RBBP8NL: variants seen among roughly 807,000 people sequenced by gnomAD.
RBBP8NL encodes RBBP8 N-terminal like, also known as RBBP8 N-terminal-like protein.
In RBBP8NL, 59 loss-of-function variants were observed where a neutral mutation model predicts 62.2. That is an observed-to-expected ratio of 0.95 (90% CI 0.77 to 1.18). The LOEUF (loss-of-function observed/expected upper bound fraction) is 1.18, where lower values mean the gene tolerates loss of function less well. Among genes scored for constraint, RBBP8NL ranks in the 50% most tolerant of loss-of-function variants. The pLI is 0.00. For missense variants in RBBP8NL, 896 were observed against 899.5 expected, an observed-to-expected ratio of 1.00 and a Z score of 0.05; for synonymous variants, 412 against 394.1, an observed-to-expected ratio of 1.05 and a Z score of -0.54.
intron 2 of RBBP8NL, among the ~76,000 whole-genome samples, chr20:62,418,845 C>T (rs1299293798): frequency 6.6e-6 from 1 of 152,170 alleles, no homozygotes; most frequent in Non-Finnish European, 1.5e-5. Context: ...GCGGACCCCA[C>T]CAGACCCTCT....
At chr20:62,417,349 C>T in intron 3 of RBBP8NL, 30 bp from the exon 4 acceptor site, 1 of 1,519,878 alleles carries the variant, frequency 6.6e-7, no homozygotes, top group South Asian at 1.2e-5. Context: ...AAGTGGGGTC[C>T]TGTTCCATCC....
chr20:62,422,200 G>A (rs568649717), intron 1 of RBBP8NL, among the ~76,000 whole-genome samples: 75 of 152,328 alleles, frequency 4.9e-4, no homozygotes, highest in African/African-American at 1.4e-3. Flanking sequence ...ATCACAGAGC[G>A]GAACAGCCAT....
In RBBP8NL at chr20:62,416,765, A is replaced by G. The variant is rs1306883352; in HGVS notation, c.308T>C (p.Ile103Thr). 1.3e-6 allele frequency: 2 copies of G among 1,580,970 alleles called. No individual in the cohort carries two copies. The highest frequency in any genetic ancestry group is 1.8e-5 in the Admixed American group (1 of 56,118). ...SHLQNLQRIF[I>T]LTNEMNGLKE... ...GTCTGGTGGGTGGGGCTCACTGAGG[A>G]TGAAGATGCGCTGCAGGTTCTGCAG... The change falls in exon 5 of 14, where the codon ATC becomes ACC. Residue 103 changes from isoleucine (I) to threonine (T), a missense_variant. Ile to Thr is a moderately conservative substitution (Grantham distance 89, BLOSUM62 -1). Transcript: ENST00000252998.
At chr20:62,415,491 G>T in intron 8 of RBBP8NL, 87 bp downstream of exon 8, 2 of 1,465,718 alleles carry the variant, frequency 1.4e-6, no homozygotes, top group East Asian at 2.3e-5. Flanking sequence ...CGCATGAGAG[G>T]CTGGCATACT....
intron 1 of RBBP8NL, among the ~76,000 whole-genome samples, chr20:62,420,011 T>A (rs1988665600): frequency 1.3e-5 from 2 of 151,860 alleles, no homozygotes; most frequent in Non-Finnish European, 2.9e-5. Flanking sequence ...GCATCTGGGG[T>A]GAGTGCCGGC....
In RBBP8NL at chr20:62,414,053, G is replaced by A. The variant is rs776832012; in HGVS notation, c.1298C>T (p.Thr433Met). The A allele has an allele frequency of 2.6e-5, 41 of 1,594,038 alleles. 1 individual carries two copies. The South Asian group carries it at 2.7e-4, about 11-fold the overall frequency. The change falls in exon 10 of 14, where the codon ACG (threonine) becomes ATG (methionine). Residue 433 changes from threonine (T) to methionine (M), a missense_variant. Transcript: ENST00000252998. ...GRAQRTEAAATQDCALDKPLD... is the reference protein window; with the variant it reads ...GRAQRTEAAAMQDCALDKPLD... ...GGGCTTGTCTAGGGCACAGTCCTGC[G>A]TGGCTGCAGCCTCTGTCCTCTGGGC...
chr20:62,417,615 C>G (rs1344211299), intron 3 of RBBP8NL, among the ~76,000 whole-genome samples: 2 of 108,680 alleles, frequency 1.8e-5, no homozygotes, highest in Admixed American at 1.9e-4. Flanking sequence ...ACGCACCACC[C>G]CCCCCAGTCA....
rs183607276 is a variant in RBBP8NL, at chr20:62,415,928, C to T, written c.404G>A (p.Arg135Gln). 5.6e-5 allele frequency: 87 copies of T among 1,550,100 alleles called. No homozygotes were observed. Among genetic ancestry groups the T allele is most frequent in the East Asian group, 1.7e-4 (7 of 41,588 alleles). ...GGGGTCCGAGGTGCCCTCCTTGGCC[C>T]GGGGCTTGGGCCTGTCTCTAGAGGG... ...LRGLGDRPKP[R>Q]AKEGTSDPPS... is the part of the protein sequence containing the mutation. Residue 135 changes from arginine to glutamine, a missense_variant, in exon 7 of 14, where the codon CGG (arginine) becomes CAG (glutamine). Arg to Gln is a conservative substitution (Grantham distance 43, BLOSUM62 1). Transcript: ENST00000252998.
rs1425556952 is a variant in RBBP8NL at position 62,410,605 on chromosome 20, C to T, written c.*273G>A. 2.1e-6 allele frequency: 1 copy of T among 474,258 alleles called. No individual in the cohort carries two copies. The highest frequency in any genetic ancestry group is 3.7e-6 in the Non-Finnish European group (1 of 268,714). The allele number at this position is 474,258 out of a possible 1,614,324, so 29.4% of individuals were successfully genotyped here. ...GGTGAATCGCCAGCCTGAGACCCCTCTCGGTCCTCCAGCCCCTCTTGAAGT... is the reference window on the plus strand; with the variant it reads ...GGTGAATCGCCAGCCTGAGACCCCTTTCGGTCCTCCAGCCCCTCTTGAAGT... On this transcript the variant is annotated 3_prime_UTR_variant, in exon 14 of 14. Transcript: ENST00000252998.
chr20:62,421,003 C>T (rs759133418), intron 1 of RBBP8NL, among the ~76,000 whole-genome samples: 4 of 152,258 alleles, frequency 2.6e-5, no homozygotes, highest in East Asian at 3.8e-4. Flanking sequence ...CAGGGCTGGG[C>T]GGAGTGAGCC....
At position 62,412,673 on chromosome 20, in the gene RBBP8NL, C is replaced by T; in HGVS notation, c.1827G>A (p.Gly609=). ...GCTTCCTCTTCCGTGGTGGACCCTG[C>T]CCGTGCTCCTGGGTGCAGATGCACT... ...GPECICTQEH[G]QGPPRKRKRA... is the part of the protein sequence containing the mutation. The change falls in exon 13 of 14, where the codon GGG becomes GGA. Residue 609 remains glycine (G), a synonymous_variant. Coordinates refer to ENST00000252998, the MANE Select transcript of RBBP8NL (RefSeq NM_080833.3). The T allele has an allele frequency of 6.2e-7, 1 of 1,608,398 alleles. No individual in the cohort carries two copies.
chr20:62,425,199 C>T (rs1166740337), intron 1 of RBBP8NL, among the ~76,000 whole-genome samples: 9 of 152,164 alleles, frequency 5.9e-5, no homozygotes, highest in Admixed American at 5.2e-4. Flanking sequence ...AGGGAGACCC[C>T]GATTCACCTG....
chr20:62,424,762 G>A (rs1988772508), intron 1 of RBBP8NL, among the ~76,000 whole-genome samples: 3 of 152,018 alleles, frequency 2.0e-5, no homozygotes, highest in Non-Finnish European at 4.4e-5. Flanking sequence ...GCCTGCACCT[G>A]CCCTCCTAGG....
chr20:62,421,964 G>A (rs1048195982), intron 1 of RBBP8NL, among the ~76,000 whole-genome samples: 4 of 152,142 alleles, frequency 2.6e-5, no homozygotes, highest in Non-Finnish European at 4.4e-5. Context: ...CCACTGGTGC[G>A]TCACCTGAAC....
chr20:62,413,536 G>GT lies in RBBP8NL; in HGVS notation c.1539dup (p.Arg514ThrfsTer19). ...CTGAGCTGGGACCCTGGAAGTGGGC[G>GT]TGAGGGGTCCTGGGGGGAGGCAAGT... On this transcript the variant is annotated frameshift_variant, in exon 11 of 14. Coordinates refer to ENST00000252998, the MANE Select transcript of RBBP8NL (RefSeq NM_080833.3). LOFTEE classifies it high-confidence loss of function. The GT allele has an allele frequency of 6.6e-7, 1 of 1,524,012 alleles. No individual in the cohort carries two copies. The highest frequency in any genetic ancestry group is 8.8e-7 in the Non-Finnish European group (1 of 1,142,386). 94.4% of individuals were successfully genotyped at this position (1,524,012 alleles called of 1,614,324 possible).
chr20:62,414,936 G>A (rs1469119767), intron 9 of RBBP8NL, among the ~76,000 whole-genome samples, 185 bp downstream of exon 9: 1 of 152,214 alleles, frequency 6.6e-6, no homozygotes, highest in Non-Finnish European at 1.5e-5. Flanking sequence ...CTGCCCCCAC[G>A]CCCCAGGCCT....
intron 8 of RBBP8NL, 107 bp from the exon 9 acceptor site, chr20:62,415,394 C>G: frequency 7.1e-7 from 1 of 1,418,318 alleles, no homozygotes; most frequent in Non-Finnish European, 9.5e-7. Context: ...TCTGCCCCTG[C>G]TCACTGCTGA....
At chr20:62,414,793 C>A (rs1022253208) in intron 9 of RBBP8NL, among the ~76,000 whole-genome samples, 14 of 152,210 alleles carry the variant, frequency 9.2e-5, no homozygotes, top group Non-Finnish European at 7.3e-5. Flanking sequence ...GTCTGGGCTC[C>A]AAGGTGGGGC....
intron 1 of RBBP8NL, among the ~76,000 whole-genome samples, chr20:62,425,928 T>C (rs1601493030): frequency 6.7e-6 from 1 of 149,500 alleles, no homozygotes; most frequent in African/African-American, 2.5e-5. Context: ...GCAGTGGCAG[T>C]GACAGTAGCA....
Sources: allele counts gnomAD v4.1 joint callset (sites outside exome capture counted in the v4.1 genomes callset), GRCh38; gene constraint gnomAD v4.1.1; transcripts MANE v1.5; gene names NCBI Gene and HGNC (gene_info 2026-07-23, HGNC 2026-07-21).